ARFGEF1: variants seen among roughly 807,000 people sequenced by gnomAD.
ARFGEF1 encodes the protein ARF guanine nucleotide exchange factor 1, also known as brefeldin A-inhibited guanine nucleotide-exchange protein 1.
In ARFGEF1, 42 loss-of-function variants were observed where a neutral mutation model predicts 231.0. The observed-to-expected ratio is 0.18, with a 90% CI of 0.14 to 0.24. ARFGEF1 has a LOEUF of 0.24. ARFGEF1 is among the 10% of genes least tolerant of loss of function. ARFGEF1 has a pLI of 1.00. For synonymous variants in ARFGEF1, 710 were observed against 732.3 expected (o/e 0.97, Z 0.49); for missense variants, 1,345 against 2,192.0 (o/e 0.61, Z 7.72).
At chr8:67,310,394 CA>C (rs1806948785) in intron 1 of ARFGEF1, among the ~76,000 whole-genome samples, 1 of 152,230 alleles carries the variant, frequency 6.6e-6, no homozygotes, top group African/African-American at 2.4e-5. Context: ...CTCGTTCACT[CA>C]GTGCTCAATA....
intron 1 of ARFGEF1, among the ~76,000 whole-genome samples, chr8:67,327,083 T>C (rs1807867662): frequency 6.6e-6 from 1 of 152,228 alleles, no homozygotes; most frequent in South Asian, 2.1e-4. Flanking sequence ...TGAGGTTGAC[T>C]TGCTTGTAAA....
At chr8:67,299,719 C>G (rs1311134292) in intron 3 of ARFGEF1, among the ~76,000 whole-genome samples, 1 of 152,060 alleles carries the variant, frequency 6.6e-6, no homozygotes. Context: ...GCCTGCTTGC[C>G]TCCCACATTG....
In ARFGEF1 at chr8:67,305,685, A is replaced by T. The variant is rs1414332501; in HGVS notation, c.125-3219T>A. On this transcript the variant is annotated intron_variant, in intron 1 of 38. Coordinates refer to ENST00000262215, the MANE Select transcript of ARFGEF1 (RefSeq NM_006421.5). ...CTTAAACTAGTGTATTACCCAATAC[A>T]TTGTGCTATATTTAAGCAAACTTGT... Among the ~76,000 whole-genome samples the T allele has an allele frequency of 2.0e-5, 3 of 152,196 alleles. No individual in the cohort carries two copies. In the East Asian group the frequency reaches 5.8e-4, roughly 29 times the overall value.
chr8:67,276,863 A>T, intron 8 of ARFGEF1, among the ~76,000 whole-genome samples: 1 of 152,172 alleles, frequency 6.6e-6, no homozygotes. Flanking sequence ...GAATTCTCCA[A>T]TGAGCATTTC....
intron 34 of ARFGEF1, among the ~76,000 whole-genome samples, chr8:67,205,709 T>A (rs1190758172): frequency 6.6e-6 from 1 of 151,814 alleles, no homozygotes; most frequent in Non-Finnish European, 1.5e-5. Context: ...TACAAAAAAA[T>A]GTGCCAGGCA....
intron 25 of ARFGEF1, 139 bp from the exon 26 acceptor site, chr8:67,227,737 G>A: frequency 1.0e-6 from 1 of 955,694 alleles, no homozygotes; most frequent in Admixed American, 3.0e-5. Flanking sequence ...CATTAAGTAT[G>A]CTAAAACTAT....
At chr8:67,342,595 C>CT (rs1260015925) in intron 1 of ARFGEF1, among the ~76,000 whole-genome samples, 2 of 152,050 alleles carry the variant, frequency 1.3e-5, no homozygotes, top group Non-Finnish European at 2.9e-5. Flanking sequence ...CAATATTACT[C>CT]TATGTTTTTC....
At chr8:67,270,185 C>T (rs564838802) in intron 10 of ARFGEF1, among the ~76,000 whole-genome samples, 4 of 152,126 alleles carry the variant, frequency 2.6e-5, no homozygotes, top group South Asian at 2.1e-4. Flanking sequence ...CCTAGTTAAA[C>T]GCCTTGTATT....
intron 1 of ARFGEF1, among the ~76,000 whole-genome samples, chr8:67,342,585 C>T (rs962241570): frequency 6.6e-6 from 1 of 152,032 alleles, no homozygotes; most frequent in Non-Finnish European, 1.5e-5. Context: ...CAGTCAGATA[C>T]AATATTACTC....
At chr8:67,190,015 G>A (rs993884993) in intron 5 of ARFGEF1, among the ~76,000 whole-genome samples, 1 of 152,142 alleles carries the variant, frequency 6.6e-6, no homozygotes, top group African/African-American at 2.4e-5. Flanking sequence ...ATGTAAACAG[G>A]TTGGTAGTTC....
chr8:67,194,175 C>T (rs189541589), downstream of ARFGEF1, among the ~76,000 whole-genome samples: 2 of 152,300 alleles, frequency 1.3e-5, no homozygotes, highest in East Asian at 3.9e-4. Context: ...AGCCCTACAC[C>T]ACCCTTTTCT....
chr8:67,320,955 C>CA lies in ARFGEF1; in HGVS notation c.125-18490dup, dbSNP rs200179059. ...TGGGCAATAGAGTGAGATTCCATCT[C>CA]AAAAAAAAAATCAAACAAAAAAAGA... On this transcript the variant is annotated intron_variant, in intron 1 of 38. Transcript: ENST00000262215. 1.0e-3 allele frequency among the ~76,000 whole-genome samples: 149 copies of CA among 147,288 alleles called. 1 individual carries two copies. The highest frequency in any genetic ancestry group is 2.4e-3 in the African/African-American group (97 of 40,088).
chr8:67,317,639 G>A (rs556948077), intron 1 of ARFGEF1, among the ~76,000 whole-genome samples: 10 of 151,192 alleles, frequency 6.6e-5, no homozygotes, highest in South Asian at 2.1e-4. Context: ...GGTTGGGAGC[G>A]GTGGCTTACA....
chr8:67,259,746 C>T, intron 15 of ARFGEF1, 69 bp downstream of exon 15: 1 of 1,137,338 alleles, frequency 8.8e-7, no homozygotes, highest in Non-Finnish European at 1.3e-6. Context: ...GAGACCCTGT[C>T]TCTAATAAAA....
intron 25 of ARFGEF1, 86 bp from the exon 26 acceptor site, chr8:67,227,684 T>C (rs368238006): frequency 2.9e-6 from 4 of 1,369,490 alleles, no homozygotes; most frequent in Non-Finnish European, 1.0e-6. Context: ...AGAAAAAGTA[T>C]AGAATAGCAT....
intron 5 of ARFGEF1, among the ~76,000 whole-genome samples, chr8:67,192,494 TTTTAAC>T (rs1473890710): frequency 2.6e-5 from 4 of 152,382 alleles, no homozygotes; most frequent in African/African-American, 9.6e-5. Flanking sequence ...TTCTGTATCT[TTTTAAC>T]TTTCTTGATG....
intron 19 of ARFGEF1, among the ~76,000 whole-genome samples, chr8:67,241,372 T>C (rs1839921556): frequency 6.6e-6 from 1 of 152,144 alleles, no homozygotes; most frequent in East Asian, 1.9e-4. Context: ...AAGTACCATA[T>C]GACAGCAATA....
chr8:67,343,443 G>C lies in ARFGEF1; in HGVS notation c.-156C>G, dbSNP rs1338227170. The stretch of plus-strand genomic sequence containing the variant: ...CAGCGGCAGGATCAGGAAGGGGCGG[G>C]CGAGCGGGACCAGCCGCGGTGTCGG... On this transcript the variant is annotated 5_prime_UTR_variant, in exon 1 of 39. Transcript: ENST00000262215. 7.3e-7 allele frequency: 1 copy of C among 1,374,604 alleles called. No homozygotes were observed. The highest frequency in any genetic ancestry group is 2.7e-5 in the Admixed American group (1 of 36,492). The allele number at this position is 1,374,604 out of a possible 1,614,324, so 85.2% of individuals were successfully genotyped here. A position where few individuals can be genotyped will look rare whatever the true frequency, so the allele number is the denominator to read the frequency against.
intron 1 of ARFGEF1, among the ~76,000 whole-genome samples, chr8:67,312,937 G>T (rs907676164): frequency 6.6e-6 from 1 of 152,016 alleles, no homozygotes; most frequent in East Asian, 1.9e-4. Flanking sequence ...AACTCCAGCA[G>T]AACAATCAAA....
Sources: gnomAD v4.1 joint callset for allele counts (sites outside exome capture counted in the v4.1 genomes callset) on GRCh38, gnomAD v4.1.1 for gene constraint, MANE v1.5 for transcripts, NCBI Gene and HGNC (gene_info 2026-07-23, HGNC 2026-07-21) for gene names.